ZFAND3: variants seen among roughly 807,000 people sequenced by gnomAD.
ZFAND3 encodes zinc finger AN1-type containing 3.
A neutral mutation model predicts 29.6 loss-of-function variants in ZFAND3; 10 were observed. That is an observed-to-expected ratio of 0.34 (90% CI 0.21 to 0.57). The LOEUF (loss-of-function observed/expected upper bound fraction) is 0.57. Among genes scored for constraint, ZFAND3 ranks in the 20% least tolerant of loss-of-function variants. The pLI, the probability that ZFAND3 is intolerant of heterozygous loss-of-function variation, is 0.86. For synonymous variants in ZFAND3, 128 were observed against 112.6 expected (o/e 1.14, Z -0.87); for missense variants, 230 against 304.5 (o/e 0.76, Z 1.82).
At chr6:38,090,719 C>T (rs1416085196) in intron 4 of ZFAND3, among the ~76,000 whole-genome samples, 1 of 152,082 alleles carries the variant, frequency 6.6e-6, no homozygotes, top group Non-Finnish European at 1.5e-5. Flanking sequence ...CCTGGAAGAA[C>T]TTTAATCAGT....
At chr6:37,918,313 G>A (rs2127407812) in intron 1 of ZFAND3, among the ~76,000 whole-genome samples, 1 of 152,232 alleles carries the variant, frequency 6.6e-6, no homozygotes, top group East Asian at 1.9e-4. Context: ...CTGACCTTGT[G>A]ATCCACCTGC....
chr6:38,029,931 T>A (rs1055878422), intron 2 of ZFAND3, among the ~76,000 whole-genome samples: 3 of 151,724 alleles, frequency 2.0e-5, no homozygotes, highest in African/African-American at 7.3e-5. Context: ...ATATTTGCCT[T>A]AAATTATTCT....
At position 38,137,243 on chromosome 6, in the gene ZFAND3, C is replaced by T. The variant is rs874095; in HGVS notation, c.530-14992C>T. Among the ~76,000 whole-genome samples the T allele has an allele frequency of 0.017, 2,568 of 152,256 alleles. 259 individuals carry two copies. In the East Asian group the frequency reaches 0.28, roughly 17 times the overall value. On this transcript the variant is annotated intron_variant, in intron 5 of 5. Transcript: ENST00000287218. ...AGAAAGGCACTGTTAGGAAAGTAAACGTGCTACTGCAAAAAACAGGATACA... is the reference window on the plus strand; with the variant it reads ...AGAAAGGCACTGTTAGGAAAGTAAATGTGCTACTGCAAAAAACAGGATACA...
chr6:37,843,228 G>A (rs1725020768), intron 1 of ZFAND3, among the ~76,000 whole-genome samples: 3 of 152,052 alleles, frequency 2.0e-5, no homozygotes, highest in African/African-American at 4.8e-5. Context: ...GCTCATGCCT[G>A]TAATCCCAGC....
chr6:37,994,182 G>A (rs1231669279), intron 2 of ZFAND3, among the ~76,000 whole-genome samples: 6 of 152,100 alleles, frequency 3.9e-5, no homozygotes, highest in African/African-American at 1.4e-4. Flanking sequence ...CAATTATAAT[G>A]TTATGATCCT....
intron 1 of ZFAND3, among the ~76,000 whole-genome samples, chr6:37,908,362 A>G (rs1040575978): frequency 3.3e-5 from 5 of 152,106 alleles, no homozygotes; most frequent in Non-Finnish European, 7.4e-5. Flanking sequence ...TAAAACGTAA[A>G]TGTACATTGC....
At chr6:38,054,238 A>AT (rs1335110379) in intron 2 of ZFAND3, among the ~76,000 whole-genome samples, 2 of 147,294 alleles carry the variant, frequency 1.4e-5, no homozygotes, top group East Asian at 2.0e-4. Flanking sequence ...AAAAAAAAAA[A>AT]TTTAAGGTAG....
intron 1 of ZFAND3, among the ~76,000 whole-genome samples, chr6:37,870,315 A>AAAAAG: frequency 6.6e-6 from 1 of 150,512 alleles, no homozygotes; most frequent in Non-Finnish European, 1.5e-5. Context: ...AAAAAAAAAA[A>AAAAAG]AAAAGGGCGG....
intron 2 of ZFAND3, among the ~76,000 whole-genome samples, chr6:37,931,613 T>C (rs1040823852): frequency 1.3e-5 from 2 of 151,538 alleles, no homozygotes; most frequent in African/African-American, 4.8e-5. Context: ...AGTCTTTTAA[T>C]GTGAAAGGAG....
chr6:37,829,609 T>G (rs1054906095), intron 1 of ZFAND3, among the ~76,000 whole-genome samples: 1 of 152,224 alleles, frequency 6.6e-6, no homozygotes, highest in Non-Finnish European at 1.5e-5. Flanking sequence ...TACTTGCATG[T>G]AGAAACTTTT....
chr6:38,066,623 A>T (rs1764350971), intron 3 of ZFAND3, among the ~76,000 whole-genome samples: 1 of 151,922 alleles, frequency 6.6e-6, no homozygotes, highest in Non-Finnish European at 1.5e-5. Flanking sequence ...AGGTTTTATT[A>T]TTTTTTTTCC....
At chr6:38,003,687 G>A in intron 2 of ZFAND3, 1 of 150,128 alleles carries the variant, frequency 6.7e-6, no homozygotes, top group Non-Finnish European at 1.4e-5. Flanking sequence ...TTTTTTTTTT[G>A]TAGAGACGGG....
chr6:38,065,985 A>G (rs1039593344), intron 3 of ZFAND3, among the ~76,000 whole-genome samples: 1 of 152,174 alleles, frequency 6.6e-6, no homozygotes, highest in Non-Finnish European at 1.5e-5. Flanking sequence ...TTTTGACTAC[A>G]TATGTCTCTC....
chr6:37,892,830 A>G (rs1765128178), intron 1 of ZFAND3, among the ~76,000 whole-genome samples: 1 of 152,228 alleles, frequency 6.6e-6, no homozygotes, highest in African/African-American at 2.4e-5. Context: ...AACAAATTGT[A>G]CACCAGCAGA....
intron 2 of ZFAND3, among the ~76,000 whole-genome samples, chr6:38,057,041 T>C (rs1764145739): frequency 6.6e-6 from 1 of 151,306 alleles, no homozygotes; most frequent in Non-Finnish European, 1.5e-5. Flanking sequence ...AACTAACTTA[T>C]AAAATTAGTT....
chr6:37,972,542 T>C (rs1239795616), intron 2 of ZFAND3, among the ~76,000 whole-genome samples: 1 of 152,208 alleles, frequency 6.6e-6, no homozygotes, highest in Non-Finnish European at 1.5e-5. Flanking sequence ...GAGTTAGGAC[T>C]TACCAGGTAT....
intron 4 of ZFAND3, among the ~76,000 whole-genome samples, chr6:38,092,787 C>T (rs1197413091): frequency 2.6e-5 from 4 of 152,168 alleles, no homozygotes; most frequent in African/African-American, 7.2e-5. Flanking sequence ...AAATCTGTAA[C>T]GGAGCCACAG....
chr6:38,106,746 A>G (rs1408898536), intron 4 of ZFAND3, among the ~76,000 whole-genome samples: 1 of 152,046 alleles, frequency 6.6e-6, no homozygotes, highest in Non-Finnish European at 1.5e-5. Flanking sequence ...GGCCACCTTG[A>G]GGGGACAGCT....
intron 1 of ZFAND3, among the ~76,000 whole-genome samples, chr6:37,861,635 A>G (rs1272795387): frequency 1.3e-5 from 2 of 152,240 alleles, no homozygotes; most frequent in African/African-American, 2.4e-5. Context: ...ATGAAATATT[A>G]TGAAAGAATT....
Sources: gnomAD v4.1 joint callset for allele counts (sites outside exome capture counted in the v4.1 genomes callset) on GRCh38, gnomAD v4.1.1 for gene constraint, MANE v1.5 for transcripts, NCBI Gene and HGNC (gene_info 2026-07-23, HGNC 2026-07-21) for gene names.